Variants in FMNL3 observed in about 807,000 individuals in gnomAD.
FMNL3 encodes the protein formin-like protein 3.
Under a neutral mutation model 119.6 loss-of-function variants are expected in FMNL3, and 57 were observed. That is an observed-to-expected ratio of 0.48 (90% CI 0.39 to 0.59). FMNL3 has a LOEUF of 0.59. FMNL3 is among the 20% of genes least tolerant of loss of function. FMNL3 has a pLI of 0.00. For missense variants in FMNL3, 1,053 were observed against 1,323.5 expected (o/e 0.80, Z 3.17); for synonymous variants, 491 against 507.3 (o/e 0.97, Z 0.43).
intron 1 of FMNL3, among the ~76,000 whole-genome samples, chr12:49,673,529 A>G (rs1246268314): frequency 2.0e-5 from 3 of 152,238 alleles, no homozygotes; most frequent in African/African-American, 7.2e-5. Flanking sequence ...CGGCCTCCAC[A>G]TGTCTCTACT....
chr12:49,705,894 T>G (rs1454141651), intron 1 of FMNL3, among the ~76,000 whole-genome samples: 3 of 152,174 alleles, frequency 2.0e-5, no homozygotes, highest in African/African-American at 7.2e-5. Context: ...TCTAGACAGC[T>G]CCACTGTTGC....
At position 49,661,418 on chromosome 12, in the gene FMNL3, C is replaced by T. The variant is rs577516446; in HGVS notation, c.452+548G>A. On this transcript the variant is annotated intron_variant, in intron 5 of 25. Coordinates refer to ENST00000335154, the MANE Select transcript of FMNL3 (RefSeq NM_175736.5). ...TCTCATTCCTTCCACTATACCAGGC[C>T]GCCTTTTCTGTGCTAACTCACTTCT... is the stretch of plus-strand genomic sequence containing the variant. 2.0e-5 allele frequency among the ~76,000 whole-genome samples: 3 copies of T among 152,186 alleles called. No individual in the cohort carries two copies. The South Asian group carries it at 6.2e-4, about 31-fold the overall frequency.
At chr12:49,706,908 G>GGTTC in intron 1 of FMNL3, 147 bp downstream of exon 1, 1 of 979,422 alleles carries the variant, frequency 1.0e-6, no homozygotes, top group Non-Finnish European at 1.5e-6. Context: ...GCTGCTCAGA[G>GGTTC]GTTCCTGGGA....
chr12:49,654,405 A>T, intron 10 of FMNL3, 103 bp from the exon 11 acceptor site: 1 of 836,060 alleles, frequency 1.2e-6, no homozygotes, highest in Non-Finnish European at 1.9e-6. Context: ...CATGTGGATA[A>T]TTACAGGGAG....
chr12:49,705,860 T>C (rs1436089367), intron 1 of FMNL3, among the ~76,000 whole-genome samples: 1 of 152,208 alleles, frequency 6.6e-6, no homozygotes, highest in Non-Finnish European at 1.5e-5. Context: ...TGTCAGATTC[T>C]CTACCATCGG....
rs772400240 is a variant in FMNL3, at chr12:49,668,451, C to T, written c.210+20G>A. ...CAAGACACAACTCCCTACCTCCCTC[C>T]TCTTTCCCAAACCCCATACCTGGTC... On this transcript the variant is annotated intron_variant, in intron 2 of 25. Transcript: ENST00000335154. 5.6e-6 allele frequency: 9 copies of T among 1,612,770 alleles called. No homozygotes were observed. The highest frequency in any genetic ancestry group is 1.1e-5 in the South Asian group (1 of 91,018).
Position 49,648,223 on chromosome 12 carries a change from G to A in FMNL3, c.2646C>T (p.Asp882=), listed in dbSNP as rs1171506198. The A allele has an allele frequency of 1.2e-6, 2 of 1,613,854 alleles. No individual in the cohort carries two copies. Among genetic ancestry groups the A allele is most frequent in the Admixed American group, 3.3e-5 (2 of 60,000 alleles). The change falls in exon 22 of 26, where the codon GAC becomes GAT. Residue 882 remains aspartate (D), a synonymous_variant. Coordinates refer to ENST00000335154, the MANE Select transcript of FMNL3 (RefSeq NM_175736.5). ...CCGTCTTGGCGTCCCGCTGGAGCTT[G>A]TCTAGTTTGCCTTCATTGGTACTGA... is the stretch of plus-strand genomic sequence containing the variant. The part of the protein sequence containing the change: ...NFLSTNEGKL[D]KLQRDAKTAE...
intron 25 of FMNL3, chr12:49,646,513 T>C (rs548227439): frequency 1.4e-6 from 1 of 697,386 alleles, no homozygotes; most frequent in African/African-American, 1.8e-5. Context: ...AAGAAGTATG[T>C]GTCCCCATTG....
intron 9 of FMNL3, among the ~76,000 whole-genome samples, chr12:49,655,841 C>T (rs1406426847): frequency 2.0e-5 from 3 of 152,114 alleles, no homozygotes; most frequent in Non-Finnish European, 2.9e-5. Context: ...GGCTGGATGT[C>T]GAAGAATCCT....
At position 49,636,537 on chromosome 12, in the gene FMNL3, C is replaced by A; in HGVS notation, c.*9278G>T. 1.6e-6 allele frequency: 1 copy of A among 625,860 alleles called. No homozygotes were observed. Among genetic ancestry groups the A allele is most frequent in the Non-Finnish European group, 2.7e-6 (1 of 364,370 alleles). 38.8% of individuals were successfully genotyped at this position (625,860 alleles called of 1,614,324 possible). On this transcript the variant is annotated 3_prime_UTR_variant, in exon 26 of 26. Transcript: ENST00000335154. The stretch of plus-strand genomic sequence containing the variant: ...ATTTATTCTTATACAATTAATGATC[C>A]CCTCTTAAGAACTACCATTGCAGTG...
chr12:49,651,045 G>GGGTT, intron 16 of FMNL3, 123 bp downstream of exon 16: 1 of 1,482,174 alleles, frequency 6.7e-7, no homozygotes, highest in Non-Finnish European at 9.3e-7. Context: ...CAAGAATGAA[G>GGGTT]GGTTGGTGGA....
chr12:49,648,923 C>T, intron 21 of FMNL3, 106 bp downstream of exon 21: 5 of 1,481,636 alleles, frequency 3.4e-6, no homozygotes, highest in Non-Finnish European at 4.5e-6. Flanking sequence ...AAGAAGATAA[C>T]AAAAGCCAGA....
chr12:49,672,322 GAAGT>G (rs1274609171), intron 1 of FMNL3, among the ~76,000 whole-genome samples: 3 of 152,130 alleles, frequency 2.0e-5, no homozygotes, highest in Non-Finnish European at 2.9e-5. Flanking sequence ...CTCCAAGGAA[GAAGT>G]AAGGGAGGTA....
rs756704885 is a variant in FMNL3, at chr12:49,645,685, C to A, written c.*130G>T. On this transcript the variant is annotated 3_prime_UTR_variant, in exon 26 of 26. Transcript: ENST00000335154. ...TAGTGGCACAAGTAGAAAGATCCAG[C>A]CTCAAGAGCTGGGGCGGACATGGTT... 1 of 728,724 alleles carries A rather than the reference C, an allele frequency of 1.4e-6. No homozygotes were observed. The highest frequency in any genetic ancestry group is 2.2e-6 in the Non-Finnish European group (1 of 460,834). The allele number at this position is 728,724 out of a possible 1,614,324, so 45.1% of individuals were successfully genotyped here. A position where few individuals can be genotyped will look rare whatever the true frequency, so the allele number is the denominator to read the frequency against.
Position 49,641,687 on chromosome 12 carries a change from C to T in FMNL3, c.*4128G>A, listed in dbSNP as rs1565848400. The T allele has an allele frequency of 3.7e-6, 2 of 543,894 alleles. No individual in the cohort carries two copies. The highest frequency in any genetic ancestry group is 6.5e-6 in the Non-Finnish European group (2 of 306,784). The allele number at this position is 543,894 out of a possible 1,614,324, so 33.7% of individuals were successfully genotyped here. A position where few individuals can be genotyped will look rare whatever the true frequency, so the allele number is the denominator to read the frequency against. ...TCAGCAGTTGGGAGACATCTCCCAA[C>T]CCCTTCAGCTCTGTGTGACATCCAA... On this transcript the variant is annotated 3_prime_UTR_variant, in exon 26 of 26. Transcript: ENST00000335154.
At chr12:49,689,848 A>T (rs1021243693) in intron 1 of FMNL3, among the ~76,000 whole-genome samples, 5 of 151,978 alleles carry the variant, frequency 3.3e-5, no homozygotes, top group African/African-American at 1.2e-4. Flanking sequence ...TAGCTGCTTC[A>T]TTCCTCCTCC....
intron 5 of FMNL3, among the ~76,000 whole-genome samples, chr12:49,660,799 AAC>A (rs1475462019): frequency 1.3e-5 from 2 of 152,188 alleles, no homozygotes; most frequent in Non-Finnish European, 2.9e-5. Context: ...CCCTACTAAA[AAC>A]ACACAAAAAG....
intron 1 of FMNL3, among the ~76,000 whole-genome samples, chr12:49,694,410 T>C (rs1944695732): frequency 6.6e-6 from 1 of 152,204 alleles, no homozygotes; most frequent in African/African-American, 2.4e-5. Flanking sequence ...GCCCCGATTA[T>C]TCCTTACATG....
Position 49,649,498 on chromosome 12 carries a change from G to C in FMNL3, c.2276C>G (p.Ser759Cys), listed in dbSNP as rs773670565. Residue 759 changes from serine to cysteine, a missense_variant, in exon 19 of 26, where the codon TCT becomes TGT. Ser to Cys is a moderately radical substitution (Grantham distance 112). This residue lies in a region of FMNL3 where 324 missense variants were observed against 380.9 expected (regional missense o/e 0.85). Transcript: ENST00000335154. This position sits in a 1 kb window ranked among gnomAD's most constrained non-coding sequence, Gnocchi z 5.6. ...AIIAASASVK[S>C]SQKLKQMLEI... ...CAACATCTGCTTCAGCTTCTGTGAA[G>C]ACTTGACGGAAGCGGACGCCGCAAT... The C allele has an allele frequency of 3.1e-6, 5 of 1,614,142 alleles. No individual in the cohort carries two copies. The South Asian group carries it at 5.5e-5, about 18-fold the overall frequency.
Sources: allele counts gnomAD v4.1 joint callset (sites outside exome capture counted in the v4.1 genomes callset), GRCh38; gene constraint gnomAD v4.1.1; regional missense constraint gnomAD v4.1.1; non-coding constraint Gnocchi (gnomAD v3.1); transcripts MANE v1.5; gene names NCBI Gene and HGNC (gene_info 2026-07-23, HGNC 2026-07-21).